KANSL1L: variants seen among roughly 807,000 people sequenced by gnomAD.
The protein encoded by KANSL1L is KAT8 regulatory NSL complex subunit 1 like.
In KANSL1L, 25 loss-of-function variants were observed where a neutral mutation model predicts 108.6. The ratio of observed to expected loss-of-function variants is 0.23; its 90% CI spans 0.17 to 0.32. The LOEUF (loss-of-function observed/expected upper bound fraction) is 0.32, where lower values mean the gene tolerates loss of function less well. Among genes scored for constraint, KANSL1L ranks in the 10% least tolerant of loss-of-function variants. KANSL1L has a pLI of 1.00. For missense variants in KANSL1L, 1,137 were observed against 1,125.7 expected (o/e 1.01, Z -0.14); for synonymous variants, 405 against 395.1 (o/e 1.03, Z -0.30).
chr2:210,129,934 T>C (rs920988631), intron 2 of KANSL1L, among the ~76,000 whole-genome samples: 5 of 149,724 alleles, frequency 3.3e-5, no homozygotes, highest in African/African-American at 1.2e-4. Context: ...AGAGAAAAAT[T>C]ATTGGGGATT....
At chr2:210,026,537 G>C (rs116372337) in intron 12 of KANSL1L, 1 of 151,900 alleles carries the variant, frequency 6.6e-6, no homozygotes, top group African/African-American at 2.4e-5. Flanking sequence ...TTACTTTTAC[G>C]CCCGAGACTC....
intron 13 of KANSL1L, among the ~76,000 whole-genome samples, chr2:210,024,540 T>TTTTGGC (rs1353663166): frequency 1.3e-5 from 2 of 152,052 alleles, no homozygotes; most frequent in Non-Finnish European, 2.9e-5. Flanking sequence ...CCTTTTTGAG[T>TTTTGGC]TTTGGCTATT....
intron 8 of KANSL1L, among the ~76,000 whole-genome samples, chr2:210,036,405 C>T (rs2094104240): frequency 6.6e-6 from 1 of 152,060 alleles, no homozygotes; most frequent in South Asian, 2.1e-4. Flanking sequence ...TGGTCTTGAA[C>T]TCCTGGGCTC....
At position 210,029,922 on chromosome 2, in the gene KANSL1L, C is replaced by A; in HGVS notation, c.2156-4G>T. 6.8e-7 allele frequency: 1 copy of A among 1,463,248 alleles called. No homozygotes were observed. Among genetic ancestry groups the A allele is most frequent in the Non-Finnish European group, 9.5e-7 (1 of 1,047,784 alleles). The allele number at this position is 1,463,248 out of a possible 1,614,324, so 90.6% of individuals were successfully genotyped here. A position where few individuals can be genotyped will look rare whatever the true frequency, so the allele number is the denominator to read the frequency against. The stretch of plus-strand genomic sequence containing the variant: ...TCTTCAAGTTTAGTTCTTTCTCCTG[C>A]CATGGAAAGAACCATTGAATGTTAC... On this transcript the variant is annotated splice_polypyrimidine_tract_variant and splice_region_variant and intron_variant, in intron 9 of 14. Transcript: ENST00000281772.
rs749005725 is a variant in KANSL1L, at chr2:210,153,659, A to C, written c.924T>G (p.Asp308Glu). 1 of 1,609,480 alleles carries C rather than the reference A, an allele frequency of 6.2e-7. No individual in the cohort carries two copies. Among genetic ancestry groups the C allele is most frequent in the Non-Finnish European group, 8.5e-7 (1 of 1,178,334 alleles). The change falls in exon 2 of 15, where the codon GAT becomes GAG. Residue 308 changes from aspartate (D) to glutamate (E), a missense_variant. Asp to Glu is a conservative substitution (Grantham distance 45, BLOSUM62 2). Coordinates refer to ENST00000281772, the MANE Select transcript of KANSL1L (RefSeq NM_152519.4). Reference protein sequence around the residue: ...TLTAENKLWDDAKNGFARCTA... With the variant: ...TLTAENKLWDEAKNGFARCTA... ...TACACCGTGCAAAGCCATTTTTTGC[A>C]TCATCCCACAATTTATTCTCTGCAG...
intron 6 of KANSL1L, among the ~76,000 whole-genome samples, chr2:210,056,545 A>G (rs528132790): frequency 1.3e-5 from 2 of 152,080 alleles, no homozygotes; most frequent in African/African-American, 4.8e-5. Context: ...CAGTGGTATG[A>G]TCTCGGTTCA....
At chr2:210,119,007 A>T (rs2094986511) in intron 3 of KANSL1L, among the ~76,000 whole-genome samples, 1 of 151,858 alleles carries the variant, frequency 6.6e-6, no homozygotes, top group Non-Finnish European at 1.5e-5. Context: ...AACATGATGA[A>T]ACTCTGTCTC....
rs2093976035 is a variant in KANSL1L at position 210,028,923 on chromosome 2, T to C, written c.2318A>G (p.Asp773Gly). 5 of 1,606,412 alleles carry C rather than the reference T, an allele frequency of 3.1e-6. No homozygotes were observed. Among genetic ancestry groups the C allele is most frequent in the Admixed American group, 3.4e-5 (2 of 59,696 alleles). Reference protein sequence around the residue: ...RLRSESSYDIDNIVIPMSLVA... With the variant: ...RLRSESSYDIGNIVIPMSLVA... ...TAATGACATGGGAATCACAATGTTA[T>C]CTATGTCATAAGAGCTCTCACTTCT... The change falls in exon 11 of 15, where the codon GAT becomes GGT. Residue 773 changes from aspartate to glycine, a missense_variant. Around this residue, in one of 3 missense-constraint regions of KANSL1L, gnomAD observed 575 missense variants for 567.1 expected, o/e 1.01. Transcript: ENST00000281772.
At chr2:210,160,595 A>G (rs1453480734) in intron 1 of KANSL1L, among the ~76,000 whole-genome samples, 1 of 152,230 alleles carries the variant, frequency 6.6e-6, no homozygotes, top group Non-Finnish European at 1.5e-5. Context: ...ATGCTTTGGT[A>G]TAAATCTAAA....
At chr2:210,051,297 TAGAC>T (rs920526499) in intron 6 of KANSL1L, among the ~76,000 whole-genome samples, 3 of 152,162 alleles carry the variant, frequency 2.0e-5, no homozygotes, top group Non-Finnish European at 2.9e-5. Flanking sequence ...GTTTCCAAAA[TAGAC>T]AGCTGGTATT....
chr2:210,150,712 G>A lies in KANSL1L; in HGVS notation c.1088+2783C>T, dbSNP rs1006646078. On this transcript the variant is annotated intron_variant, in intron 2 of 14. Coordinates refer to ENST00000281772, the MANE Select transcript of KANSL1L (RefSeq NM_152519.4). ...CAGGAGAATCGCTTGAACCCAGGAC[G>A]TGGAGGTTGCAGTGAGCCGAGATCG... Among the ~76,000 whole-genome samples the A allele has an allele frequency of 6.6e-5, 10 of 151,658 alleles. No homozygotes were observed. The East Asian group carries it at 9.8e-4, about 15-fold the overall frequency.
chr2:210,030,231 A>G (rs565488040), intron 9 of KANSL1L, among the ~76,000 whole-genome samples: 1 of 151,970 alleles, frequency 6.6e-6, no homozygotes, highest in Admixed American at 6.6e-5. Context: ...CACCAGAACT[A>G]TCTTAATTTT....
At position 210,129,069 on chromosome 2, in the gene KANSL1L, G is replaced by A; in HGVS notation, c.1192C>T (p.Gln398Ter). 1 of 1,613,876 alleles carries A rather than the reference G, an allele frequency of 6.2e-7. No individual in the cohort carries two copies. Among genetic ancestry groups the A allele is most frequent in the Admixed American group, 1.7e-5 (1 of 60,006 alleles). Residue 398 changes from glutamine to a stop codon, truncating the protein, a stop_gained, in exon 3 of 15, where the codon CAA (glutamine) becomes TAA (stop). Coordinates refer to ENST00000281772, the MANE Select transcript of KANSL1L (RefSeq NM_152519.4). LOFTEE classifies it high-confidence loss of function. ...QISDLECKIQ[Q>*]LTDIHRQIRA... ...ATTTGCCTGTGAATGTCTGTTAGTT[G>A]TTGGATTTTGCATTCTAGGTCTGAA...
At chr2:210,074,059 A>G (rs1357736688) in intron 6 of KANSL1L, among the ~76,000 whole-genome samples, 2 of 151,898 alleles carry the variant, frequency 1.3e-5, no homozygotes, top group Non-Finnish European at 2.9e-5. Context: ...ACAGGGTGCT[A>G]TAACAATATA....
chr2:210,076,251 G>A (rs1255548165), intron 5 of KANSL1L, among the ~76,000 whole-genome samples: 6 of 151,956 alleles, frequency 3.9e-5, no homozygotes, highest in Middle Eastern at 3.4e-3. Context: ...GTGCGATCTC[G>A]GTTCACTGCA....
At chr2:210,036,305 C>G (rs1438069816) in intron 8 of KANSL1L, among the ~76,000 whole-genome samples, 1 of 152,158 alleles carries the variant, frequency 6.6e-6, no homozygotes, top group Non-Finnish European at 1.5e-5. Flanking sequence ...CTTCAGCCTC[C>G]TAAGTCCCTG....
At chr2:210,138,452 C>A (rs75783494) in intron 2 of KANSL1L, among the ~76,000 whole-genome samples, 2 of 151,886 alleles carry the variant, frequency 1.3e-5, no homozygotes, top group African/African-American at 2.4e-5. Flanking sequence ...TGCATACATA[C>A]CCTGTAAATC....
At position 210,118,023 on chromosome 2, in the gene KANSL1L, G is replaced by A. The variant is rs183734720; in HGVS notation, c.1230+11008C>T. 3.3e-3 allele frequency among the ~76,000 whole-genome samples: 497 copies of A among 151,378 alleles called. 5 individuals are homozygous for A. The highest frequency in any genetic ancestry group is 0.011 in the African/African-American group (473 of 41,238). On this transcript the variant is annotated intron_variant, in intron 3 of 14. Transcript: ENST00000281772. ...TACTAAAAATACAAAAAAATTAGCCGGGTGTGATGGCGCATGCCTGTAATC... is the reference window on the plus strand; with the variant it reads ...TACTAAAAATACAAAAAAATTAGCCAGGTGTGATGGCGCATGCCTGTAATC...
chr2:210,041,680 C>G (rs1439415234), intron 7 of KANSL1L, among the ~76,000 whole-genome samples: 8 of 152,192 alleles, frequency 5.3e-5, no homozygotes, highest in Non-Finnish European at 1.2e-4. Context: ...TCAAGCAGTC[C>G]TCCCACCTCA....
Sources: gnomAD v4.1 joint callset for allele counts (sites outside exome capture counted in the v4.1 genomes callset) on GRCh38, gnomAD v4.1.1 for gene constraint, gnomAD v4.1.1 regional missense constraint, MANE v1.5 for transcripts, NCBI Gene and HGNC (gene_info 2026-07-23, HGNC 2026-07-21) for gene names.